GRXCR1: variants seen among roughly 807,000 people sequenced by gnomAD.
The protein encoded by GRXCR1 is glutaredoxin domain-containing cysteine-rich protein 1.
GRXCR1 carries 27 observed loss-of-function variants against 27.3 expected under a neutral mutation model. That is an observed-to-expected ratio of 0.99 (90% CI 0.73 to 1.37). The LOEUF (loss-of-function observed/expected upper bound fraction) is 1.37, where lower values mean the gene tolerates loss of function less well. Ranked by LOEUF, GRXCR1 falls within the 40% of genes most tolerant of loss-of-function variation. The probability of loss-of-function intolerance (pLI) is 0.00; values close to 1 mark genes in which losing one functional copy is unlikely to be tolerated. For synonymous variants in GRXCR1, 122 were observed against 131.1 expected (o/e 0.93, Z 0.47); for missense variants, 379 against 354.4 (o/e 1.07, Z -0.56).
chr4:43,015,917 A>G (rs1179170468), intron 2 of GRXCR1, among the ~76,000 whole-genome samples: 1 of 152,106 alleles, frequency 6.6e-6, no homozygotes, highest in Admixed American at 6.5e-5. Context: ...TAATAGTTTC[A>G]AATGTTGATG....
chr4:42,906,834 A>G (rs1343930841), intron 1 of GRXCR1, among the ~76,000 whole-genome samples: 2 of 152,176 alleles, frequency 1.3e-5, no homozygotes, highest in African/African-American at 2.4e-5. Flanking sequence ...CATGAGATAA[A>G]CTGACAACAA....
chr4:43,013,235 C>T (rs1328881412), intron 2 of GRXCR1, among the ~76,000 whole-genome samples: 1 of 152,130 alleles, frequency 6.6e-6, no homozygotes, highest in East Asian at 1.9e-4. Flanking sequence ...CAGCACTATT[C>T]ACAATAGCAA....
At chr4:42,904,225 A>T (rs1378167823) in intron 1 of GRXCR1, among the ~76,000 whole-genome samples, 3 of 152,192 alleles carry the variant, frequency 2.0e-5, no homozygotes, top group Non-Finnish European at 4.4e-5. Flanking sequence ...CTGATGCTGC[A>T]GGCAGTGCCC....
At chr4:43,003,358 G>C (rs1445808947) in intron 2 of GRXCR1, among the ~76,000 whole-genome samples, 1 of 152,052 alleles carries the variant, frequency 6.6e-6, no homozygotes, top group Non-Finnish European at 1.5e-5. Flanking sequence ...CAGAAAATTG[G>C]CACCAGGAAA....
At chr4:43,006,485 C>T (rs1178036400) in intron 2 of GRXCR1, among the ~76,000 whole-genome samples, 4 of 152,176 alleles carry the variant, frequency 2.6e-5, no homozygotes, top group Non-Finnish European at 5.9e-5. Context: ...CCAGGTGCAT[C>T]TGTCTCTTAT....
intron 1 of GRXCR1, among the ~76,000 whole-genome samples, chr4:42,918,362 C>T (rs796531904): frequency 3.4e-4 from 52 of 152,214 alleles, no homozygotes; most frequent in African/African-American, 1.1e-3. Context: ...ATTAAGTTTC[C>T]AACACATGAG....
chr4:42,984,853 G>T (rs1159788666), intron 2 of GRXCR1, among the ~76,000 whole-genome samples: 2 of 152,164 alleles, frequency 1.3e-5, no homozygotes, highest in Non-Finnish European at 2.9e-5. Flanking sequence ...CCAAACGCTT[G>T]GGACTGTGGG....
chr4:42,933,877 C>T (rs1453323354), intron 1 of GRXCR1, among the ~76,000 whole-genome samples: 2 of 151,696 alleles, frequency 1.3e-5, no homozygotes, highest in Non-Finnish European at 2.9e-5. Context: ...ACACTCACCC[C>T]CAAGAAGGAG....
intron 2 of GRXCR1, among the ~76,000 whole-genome samples, chr4:42,973,764 A>G (rs1283576429): frequency 6.6e-6 from 1 of 152,152 alleles, no homozygotes; most frequent in Non-Finnish European, 1.5e-5. Context: ...TACTGGTTAT[A>G]TTTGATGGAT....
intron 2 of GRXCR1, among the ~76,000 whole-genome samples, chr4:42,972,141 A>G (rs151005426): frequency 0.033 from 5,031 of 152,158 alleles, 131 homozygotes; most frequent in Middle Eastern, 0.058. Flanking sequence ...GCAATGTGTG[A>G]CCCATTTCAT....
At chr4:42,969,007 A>G (rs915282696) in intron 2 of GRXCR1, among the ~76,000 whole-genome samples, 1 of 152,088 alleles carries the variant, frequency 6.6e-6, no homozygotes, top group Non-Finnish European at 1.5e-5. Context: ...TTCAAGCTGT[A>G]TGTGTTTCTC....
chr4:42,971,192 T>A (rs1401121750), intron 2 of GRXCR1, among the ~76,000 whole-genome samples: 4 of 152,166 alleles, frequency 2.6e-5, no homozygotes, highest in Admixed American at 6.5e-5. Flanking sequence ...ACTATCAACA[T>A]TTTGGTCAAG....
intron 1 of GRXCR1, among the ~76,000 whole-genome samples, chr4:42,944,377 G>GAT (rs1192630603): frequency 1.3e-5 from 2 of 152,104 alleles, no homozygotes; most frequent in African/African-American, 4.8e-5. Context: ...ACAGCAAGAT[G>GAT]ATAGCTTTAT....
intron 2 of GRXCR1, among the ~76,000 whole-genome samples, chr4:43,018,271 T>C (rs968137936): frequency 2.0e-5 from 3 of 152,080 alleles, no homozygotes; most frequent in African/African-American, 7.2e-5. Context: ...GTGGAGGCTG[T>C]GTTGAGTAGC....
chr4:42,999,580 CTT>C (rs917586213), intron 2 of GRXCR1, among the ~76,000 whole-genome samples: 4 of 152,228 alleles, frequency 2.6e-5, no homozygotes, highest in Non-Finnish European at 4.4e-5. Context: ...CCTTTGCTGT[CTT>C]TGGCTCCTAT....
At chr4:42,949,354 C>CAAAAAAA (rs10622265) in intron 1 of GRXCR1, among the ~76,000 whole-genome samples, 3 of 81,146 alleles carry the variant, frequency 3.7e-5, no homozygotes, top group Non-Finnish European at 6.9e-5. Flanking sequence ...GACTCCATCT[C>CAAAAAAA]AAAAAAAAAA....
At chr4:42,913,442 G>A (rs922131918) in intron 1 of GRXCR1, among the ~76,000 whole-genome samples, 6 of 152,160 alleles carry the variant, frequency 3.9e-5, no homozygotes, top group Admixed American at 6.5e-5. Flanking sequence ...CAACGAGACT[G>A]GCAGCATTTT....
intron 1 of GRXCR1, among the ~76,000 whole-genome samples, chr4:42,951,430 A>G (rs1424147764): frequency 1.3e-5 from 2 of 152,166 alleles, no homozygotes; most frequent in African/African-American, 4.8e-5. Context: ...GTCAAAGCAA[A>G]GGCTTGAGAT....
chr4:42,946,417 A>T (rs1432054901), intron 1 of GRXCR1, among the ~76,000 whole-genome samples: 4 of 152,188 alleles, frequency 2.6e-5, no homozygotes, highest in Non-Finnish European at 5.9e-5. Context: ...TGAAAAGTGT[A>T]TTCACTTTAG....
Sources: allele counts gnomAD v4.1 joint callset (sites outside exome capture counted in the v4.1 genomes callset), GRCh38; gene constraint gnomAD v4.1.1; transcripts MANE v1.5; gene names NCBI Gene and HGNC (gene_info 2026-07-23, HGNC 2026-07-21).